Variants in RANBP2 observed in about 807,000 individuals in gnomAD.
RANBP2 encodes the protein E3 SUMO-protein ligase RanBP2.
Under a neutral mutation model 303.6 loss-of-function variants are expected in RANBP2, and 57 were observed. That is an observed-to-expected ratio of 0.19 (90% CI 0.15 to 0.23). The LOEUF is 0.23. Ranked by LOEUF, RANBP2 falls within the 10% of genes least tolerant of loss-of-function variation. RANBP2 has a pLI of 1.00. For missense variants in RANBP2, 3,138 were observed against 3,780.8 expected (o/e 0.83, Z 4.46); for synonymous variants, 1,167 against 1,301.5 (o/e 0.90, Z 2.23).
At chr2:109,347,744 T>G in the RANBP2 span, 1 of 1,613,828 alleles carries the variant, frequency 6.2e-7, no homozygotes, top group Non-Finnish European at 8.5e-7. Flanking sequence ...GACCTCAAGT[T>G]CAACAAGGGG....
the RANBP2 span, among the ~76,000 whole-genome samples, chr2:109,396,954 C>T: frequency 1.3e-5 from 2 of 152,240 alleles, no homozygotes; most frequent in African/African-American, 4.8e-5. Flanking sequence ...GTACGTCCTT[C>T]CTGACCACTG....
chr2:109,070,747 C>G, the RANBP2 span, among the ~76,000 whole-genome samples: 1 of 151,952 alleles, frequency 6.6e-6, no homozygotes, highest in Non-Finnish European at 1.5e-5. Context: ...ATAGTCCCAG[C>G]TACCGGGGAG....
chr2:109,251,329 TAGAG>T, the RANBP2 span: 3 of 487,962 alleles, frequency 6.1e-6, no homozygotes, highest in African/African-American at 2.0e-5. Flanking sequence ...AACAAAGAAT[TAGAG>T]AGATGCAAGA....
At chr2:109,368,013 A>C in the RANBP2 span, among the ~76,000 whole-genome samples, 15 of 152,258 alleles carry the variant, frequency 9.9e-5, no homozygotes, top group Non-Finnish European at 4.4e-5. Context: ...CAAAAGGGGA[A>C]TCTTCCTGTT....
intron 1 of RANBP2, among the ~76,000 whole-genome samples, chr2:108,723,436 G>A (rs1002574293): frequency 1.3e-5 from 2 of 151,742 alleles, no homozygotes; most frequent in South Asian, 2.1e-4. Context: ...CACCACACCC[G>A]GCTAATTTTT....
chr2:109,334,358 TAA>T, the RANBP2 span, among the ~76,000 whole-genome samples: 21,415 of 126,006 alleles, frequency 0.17, 1,764 homozygotes, highest in Middle Eastern at 0.23. Flanking sequence ...TTTTTTCCTT[TAA>T]AAAAAAAAAA....
the RANBP2 span, among the ~76,000 whole-genome samples, chr2:109,106,342 C>T: frequency 6.6e-6 from 1 of 152,122 alleles, no homozygotes; most frequent in Non-Finnish European, 1.5e-5. Flanking sequence ...CAAGCCACCT[C>T]ATTTCGTTTA....
At chr2:109,698,263 AC>A in the RANBP2 span, among the ~76,000 whole-genome samples, 2 of 151,830 alleles carry the variant, frequency 1.3e-5, no homozygotes, top group African/African-American at 4.8e-5. Flanking sequence ...TTCATTTTAG[AC>A]ACTGTATCAA....
the RANBP2 span, among the ~76,000 whole-genome samples, chr2:109,187,522 A>C: frequency 6.6e-6 from 1 of 152,158 alleles, no homozygotes; most frequent in Admixed American, 6.5e-5. Flanking sequence ...TTGTGTTTAG[A>C]TACAAACATT....
chr2:109,353,273 C>T, the RANBP2 span, among the ~76,000 whole-genome samples: 7 of 152,238 alleles, frequency 4.6e-5, no homozygotes, highest in Non-Finnish European at 1.0e-4. Context: ...AGCCCACTGC[C>T]TCCCTGGGCC....
the RANBP2 span, chr2:108,856,691 C>G: frequency 9.3e-7 from 1 of 1,079,302 alleles, no homozygotes; most frequent in Non-Finnish European, 1.3e-6. Context: ...TTTTGTTTGT[C>G]TTTTGAGTTT....
chr2:109,120,819 C>T, the RANBP2 span, among the ~76,000 whole-genome samples: 1 of 152,230 alleles, frequency 6.6e-6, no homozygotes, highest in East Asian at 1.9e-4. Context: ...CTACTTCCCT[C>T]ACATGTCCAA....
At chr2:109,318,802 C>T in the RANBP2 span, among the ~76,000 whole-genome samples, 1 of 152,230 alleles carries the variant, frequency 6.6e-6, no homozygotes, top group South Asian at 2.1e-4. Context: ...GAGCTCTGGC[C>T]TGAGGCCACC....
At chr2:108,928,738 G>C in the RANBP2 span, among the ~76,000 whole-genome samples, 1 of 152,152 alleles carries the variant, frequency 6.6e-6, no homozygotes, top group Non-Finnish European at 1.5e-5. Context: ...TGCATTTTCA[G>C]CTTTTTGAAG....
At chr2:108,896,993 G>T in the RANBP2 span, 1 of 1,613,878 alleles carries the variant, frequency 6.2e-7, no homozygotes, top group Non-Finnish European at 8.5e-7. Flanking sequence ...ACAGCATCCA[G>T]CCGCTCAATC....
At chr2:109,054,260 T>A in the RANBP2 span, among the ~76,000 whole-genome samples, 3 of 152,190 alleles carry the variant, frequency 2.0e-5, no homozygotes, top group Non-Finnish European at 2.9e-5. Flanking sequence ...ACGTGGTCTA[T>A]GCAAGAGGAG....
the RANBP2 span, among the ~76,000 whole-genome samples, chr2:109,429,658 G>T: frequency 6.6e-6 from 1 of 152,144 alleles, no homozygotes; most frequent in East Asian, 1.9e-4. Context: ...GCCCCAGGCC[G>T]CGCTGACAGC....
the RANBP2 span, among the ~76,000 whole-genome samples, chr2:109,108,870 G>C: frequency 6.6e-6 from 1 of 152,272 alleles, no homozygotes; most frequent in East Asian, 1.9e-4. Context: ...GAAAAACCTT[G>C]TCTGTGAGGG....
chr2:108,723,970 G>A lies in RANBP2; in HGVS notation c.72+4292G>A, dbSNP rs574418964. On this transcript the variant is annotated intron_variant, in intron 1 of 28. Coordinates refer to ENST00000283195, the MANE Select transcript of RANBP2 (RefSeq NM_006267.5). ...TAACTGACTTCTCCAACCAGGATTG[G>A]TTTTTCTTCCTCTTTGCTACACAGC... is the stretch of plus-strand genomic sequence containing the variant. 1.4e-4 allele frequency among the ~76,000 whole-genome samples: 21 copies of A among 152,238 alleles called. No individual in the cohort carries two copies. In the South Asian group the frequency reaches 2.7e-3, roughly 20 times the overall value.
Sources: allele counts gnomAD v4.1 joint callset (sites outside exome capture counted in the v4.1 genomes callset), GRCh38; gene constraint gnomAD v4.1.1; transcripts MANE v1.5; gene names NCBI Gene and HGNC (gene_info 2026-07-23, HGNC 2026-07-21).